Variants in NRP1 observed in about 807,000 individuals in gnomAD.
NRP1 encodes the protein neuropilin 1.
NRP1 carries 35 observed loss-of-function variants against 106.7 expected under a neutral mutation model. The observed-to-expected ratio is 0.33, with a 90% CI of 0.25 to 0.43. NRP1 has a LOEUF of 0.43. Ranked by LOEUF, NRP1 falls within the 20% of genes least tolerant of loss-of-function variation. The pLI, the probability that NRP1 is intolerant of heterozygous loss-of-function variation, is 1.00. For synonymous variants in NRP1, 437 were observed against 417.9 expected (o/e 1.05, Z -0.56); for missense variants, 1,024 against 1,170.4 (o/e 0.87, Z 1.83).
Position 33,334,373 on chromosome 10 carries a change from C to T in NRP1, c.10G>A (p.Gly4Arg). ...AGCACGGCGCAGAGGAGCGGCAGCC[C>T]CCTCTCCATTCTCCCTTCTCCGGGT... MERGLPLLCAVLAL... is the reference protein window; with the variant it reads MERRLPLLCAVLAL... Residue 4 changes from glycine (G) to arginine (R), a missense_variant, in exon 1 of 17, where the codon GGG (glycine) becomes AGG (arginine). By Grantham distance (125) the Gly-to-Arg change is moderately radical (BLOSUM62 -2). This residue lies in a region of NRP1 where 279 missense variants were observed against 327.4 expected (regional missense o/e 0.85). Coordinates refer to ENST00000374867, the MANE Select transcript of NRP1 (RefSeq NM_003873.7). 6.5e-7 allele frequency: 1 copy of T among 1,545,828 alleles called. No individual in the cohort carries two copies. The highest frequency in any genetic ancestry group is 8.7e-7 in the Non-Finnish European group (1 of 1,147,210).
intron 6 of NRP1, among the ~76,000 whole-genome samples, chr10:33,230,501 G>A (rs1034632949): frequency 1.3e-5 from 2 of 151,994 alleles, no homozygotes; most frequent in Non-Finnish European, 2.9e-5. Flanking sequence ...ACTCTACCAC[G>A]ATGAAGACAG....
chr10:33,252,738 G>C (rs10827220), intron 6 of NRP1, among the ~76,000 whole-genome samples: 12,940 of 151,902 alleles, frequency 0.085, 1,750 homozygotes, highest in African/African-American at 0.29. Flanking sequence ...TTTTGACACT[G>C]GCAAACTCAT....
intron 2 of NRP1, among the ~76,000 whole-genome samples, chr10:33,329,653 C>T (rs1848134003): frequency 6.6e-6 from 1 of 152,198 alleles, no homozygotes; most frequent in Non-Finnish European, 1.5e-5. Flanking sequence ...CTGAGAAACA[C>T]TTTAGAATTG....
chr10:33,227,238 A>T (rs187992770), intron 6 of NRP1, among the ~76,000 whole-genome samples: 1 of 152,314 alleles, frequency 6.6e-6, no homozygotes, highest in East Asian at 1.9e-4. Context: ...CAAGACAAAC[A>T]AGATAAACTC....
intron 2 of NRP1, among the ~76,000 whole-genome samples, chr10:33,286,311 G>A (rs1401737907): frequency 2.0e-5 from 3 of 152,076 alleles, no homozygotes; most frequent in Non-Finnish European, 4.4e-5. Context: ...TCTGCAAAAC[G>A]TGTGGGAAGC....
At chr10:33,301,823 A>G (rs1182562276) in intron 2 of NRP1, among the ~76,000 whole-genome samples, 2 of 152,216 alleles carry the variant, frequency 1.3e-5, no homozygotes, top group Non-Finnish European at 2.9e-5. Context: ...AAAAGTTCAC[A>G]AACATCTGTG....
chr10:33,226,263 G>T lies in NRP1; in HGVS notation c.1008C>A (p.Val336=), dbSNP rs924287584. Residue 336 remains valine (V), a synonymous_variant, in exon 7 of 17, where the codon GTC becomes GTA. Coordinates refer to ENST00000374867, the MANE Select transcript of NRP1 (RefSeq NM_003873.7). ...TGGCGCCCTGTGTCCCGACAGCCGT[G>T]ACAAAGCGCAGAAGGCCCAAGTCTA... The part of the protein sequence containing the change: ...IQVDLGLLRF[V]TAVGTQGAIS... 1 of 1,614,118 alleles carries T rather than the reference G, an allele frequency of 6.2e-7. No individual in the cohort carries two copies. The highest frequency in any genetic ancestry group is 8.5e-7 in the Non-Finnish European group (1 of 1,180,008).
chr10:33,325,376 A>G (rs1489505404), intron 2 of NRP1, among the ~76,000 whole-genome samples: 1 of 152,182 alleles, frequency 6.6e-6, no homozygotes, highest in East Asian at 1.9e-4. Flanking sequence ...ATTTTAATGT[A>G]ACATTTTTTA....
chr10:33,215,555 T>C (rs1217518845), intron 8 of NRP1, among the ~76,000 whole-genome samples: 1 of 152,236 alleles, frequency 6.6e-6, no homozygotes, highest in Non-Finnish European at 1.5e-5. Context: ...CTTTAGAAAC[T>C]GTACATCCTA....
chr10:33,180,224 C>T lies in NRP1; in HGVS notation c.2624G>A (p.Cys875Tyr). ...ACAGGCACAGTACAGCACGACCCCA[C>T]AGACAGCCCCCAGGAGGACCCCCAG... ...SALGVLLGAV[C>Y]GVVLYCACWH... The change falls in exon 17 of 17, where the codon TGT becomes TAT. Residue 875 changes from cysteine (C) to tyrosine (Y), a missense_variant. Physicochemically the swap from Cys to Tyr is radical, Grantham distance 194 (BLOSUM62 -2). Coordinates refer to ENST00000374867, the MANE Select transcript of NRP1 (RefSeq NM_003873.7). 2 of 1,614,192 alleles carry T rather than the reference C, an allele frequency of 1.2e-6. No homozygotes were observed. Among genetic ancestry groups the T allele is most frequent in the Non-Finnish European group, 1.7e-6 (2 of 1,180,048 alleles).
chr10:33,295,544 C>T (rs1252720955), intron 2 of NRP1, among the ~76,000 whole-genome samples: 1 of 152,032 alleles, frequency 6.6e-6, no homozygotes, highest in Non-Finnish European at 1.5e-5. Flanking sequence ...CCTGTCTCTA[C>T]AAAACAATTT....
At chr10:33,247,811 G>C (rs7095879) in intron 6 of NRP1, among the ~76,000 whole-genome samples, 1,818 of 152,296 alleles carry the variant, frequency 0.012, 37 homozygotes, top group African/African-American at 0.041. Context: ...TCCTGAGTCT[G>C]AGGAAGGATA....
intron 3 of NRP1, among the ~76,000 whole-genome samples, chr10:33,269,631 A>G: frequency 6.6e-6 from 1 of 152,186 alleles, no homozygotes; most frequent in Non-Finnish European, 1.5e-5. Context: ...TCTGTTAGGA[A>G]CTTAGCCACA....
intron 2 of NRP1, among the ~76,000 whole-genome samples, chr10:33,323,348 T>C (rs749914129): frequency 6.6e-6 from 1 of 152,136 alleles, no homozygotes; most frequent in Non-Finnish European, 1.5e-5. Context: ...AATAAAGACC[T>C]GGGCTTGATG....
intron 2 of NRP1, among the ~76,000 whole-genome samples, chr10:33,299,747 CT>C (rs1845670175): frequency 6.6e-6 from 1 of 152,192 alleles, no homozygotes; most frequent in Non-Finnish European, 1.5e-5. Flanking sequence ...GATTGCATCA[CT>C]GCTCTCCAGA....
chr10:33,213,590 G>A lies in NRP1; in HGVS notation c.1410C>T (p.Gly470=), dbSNP rs1588738566. The change falls in exon 9 of 17, where the codon GGC becomes GGT. Residue 470 remains glycine, a synonymous_variant. Transcript: ENST00000374867. The stretch of plus-strand genomic sequence containing the variant: ...AATGAGGTGCGGGTGGAAGTGCCCA[G>A]CCAGAGCGACTGGTTACCAGGCGGA... ...ENIRLVTSRS[G]WALPPAPHSY... is the part of the protein sequence containing the mutation. 2 of 1,614,064 alleles carry A rather than the reference G, an allele frequency of 1.2e-6. No homozygotes were observed.
At chr10:33,295,746 G>C (rs1427404005) in intron 2 of NRP1, among the ~76,000 whole-genome samples, 3 of 152,004 alleles carry the variant, frequency 2.0e-5, no homozygotes, top group Non-Finnish European at 4.4e-5. Context: ...TTATATTTTG[G>C]GGGTACACCA....
rs769859201 is a variant in NRP1 at position 33,207,694 on chromosome 10, T to A, written c.1637A>T (p.Tyr546Phe). Residue 546 changes from tyrosine (Y) to phenylalanine (F), a missense_variant, in exon 10 of 17, where the codon TAT becomes TTT. Physicochemically the swap from Tyr to Phe is conservative, Grantham distance 22 (BLOSUM62 3). Coordinates refer to ENST00000374867, the MANE Select transcript of NRP1 (RefSeq NM_003873.7). Reference protein sequence around the residue: ...KAKSFEGNNNYDTPELRTFPA... With the variant: ...KAKSFEGNNNFDTPELRTFPA... ...AAAAGTCCGCAGCTCAGGTGTATCA[T>A]AGTTGTTGTTGCCCTCAAAAGACTG... is the stretch of plus-strand genomic sequence containing the variant. 26 of 1,613,766 alleles carry A rather than the reference T, an allele frequency of 1.6e-5. No individual in the cohort carries two copies. Among genetic ancestry groups the A allele is most frequent in the Non-Finnish European group, 1.9e-5 (23 of 1,179,944 alleles).
intron 2 of NRP1, among the ~76,000 whole-genome samples, chr10:33,304,852 A>G (rs565486810): frequency 1.3e-5 from 2 of 152,376 alleles, no homozygotes; most frequent in African/African-American, 2.4e-5. Context: ...GCAGTCTGTC[A>G]CACGAGTAGA....
Sources: allele counts gnomAD v4.1 joint callset (sites outside exome capture counted in the v4.1 genomes callset), GRCh38; gene constraint gnomAD v4.1.1; regional missense constraint gnomAD v4.1.1; transcripts MANE v1.5; gene names NCBI Gene and HGNC (gene_info 2026-07-23, HGNC 2026-07-21).